ALDOA: variants seen among roughly 807,000 people sequenced by gnomAD.
ALDOA encodes fructose-bisphosphate aldolase A.
Under a neutral mutation model 43.9 loss-of-function variants are expected in ALDOA, and 26 were observed. That is an observed-to-expected ratio of 0.59 (90% CI 0.43 to 0.82). The LOEUF is 0.82. ALDOA is among the 40% of genes least tolerant of loss of function. The pLI, the probability that ALDOA is intolerant of heterozygous loss-of-function variation, is 0.00. For missense variants in ALDOA, 498 were observed against 549.5 expected, an observed-to-expected ratio of 0.91 and a Z score of 0.94; for synonymous variants, 258 against 222.6, an observed-to-expected ratio of 1.16 and a Z score of -1.42.
At position 30,070,278 on chromosome 16, in the gene ALDOA, G is replaced by A. The variant is rs1005568718; in HGVS notation, c.*66G>A. On this transcript the variant is annotated 3_prime_UTR_variant, in exon 10 of 10. Transcript: ENST00000642816. Reference sequence around the variant, plus strand: ...GCCCCCTCCCACTCTTGAAGAGGAGGCCGCCTCCTCGGGGCTCCAGGCTGG... The same window carrying A: ...GCCCCCTCCCACTCTTGAAGAGGAGACCGCCTCCTCGGGGCTCCAGGCTGG... 11 of 1,530,312 alleles carry A rather than the reference G, an allele frequency of 7.2e-6. No homozygotes were observed. The highest frequency in any genetic ancestry group is 1.4e-5 in the African/African-American group (1 of 73,294). The allele number at this position is 1,530,312 out of a possible 1,614,324, so 94.8% of individuals were successfully genotyped here. A position where few individuals can be genotyped will look rare whatever the true frequency, so the allele number is the denominator to read the frequency against.
At position 30,069,529 on chromosome 16, in the gene ALDOA, GACC is replaced by G; in HGVS notation, c.823_825del (p.His275del). 6.2e-7 allele frequency: 1 copy of G among 1,614,084 alleles called. No homozygotes were observed. The highest frequency in any genetic ancestry group is 8.5e-7 in the Non-Finnish European group (1 of 1,180,018). On this transcript the variant is annotated inframe_deletion, in exon 8 of 10. Transcript: ENST00000642816. ...GGCTGCTGTCTACAAGGCTCTGAGTGACCACCACATCTACCTGGAAGGCACCTT... is the reference window on the plus strand; with the variant it reads ...GGCTGCTGTCTACAAGGCTCTGAGTGACCACATCTACCTGGAAGGCACCTT...
chr16:30,069,021 G>A lies in ALDOA; in HGVS notation c.702+43G>A, dbSNP rs1246687412. ...CAATAGGCAACCTCCTACCTCATTTGGTTCCAGTGTTGTTAATTTGCCTAT... is the reference window on the plus strand; with the variant it reads ...CAATAGGCAACCTCCTACCTCATTTAGTTCCAGTGTTGTTAATTTGCCTAT... On this transcript the variant is annotated intron_variant, in intron 6 of 9. Transcript: ENST00000642816. 3.1e-6 allele frequency: 5 copies of A among 1,613,340 alleles called. No homozygotes were observed. The South Asian group carries it at 4.4e-5, about 14-fold the overall frequency.
chr16:30,067,845 A>G lies in ALDOA; in HGVS notation c.486+184A>G, dbSNP rs1003637770. Reference sequence around the variant, plus strand: ...ATTCTGAGAGAACAGTATCATTCCCACTTTACACATGAAAATCTCAGAAGC... The same window carrying G: ...ATTCTGAGAGAACAGTATCATTCCCGCTTTACACATGAAAATCTCAGAAGC... On this transcript the variant is annotated intron_variant, in intron 4 of 9. Coordinates refer to ENST00000642816, the MANE Select transcript of ALDOA (RefSeq NM_001243177.4). 10 of 704,292 alleles carry G rather than the reference A, an allele frequency of 1.4e-5. No individual in the cohort carries two copies. In the East Asian group the frequency reaches 2.5e-4, roughly 17 times the overall value. The allele number at this position is 704,292 out of a possible 1,614,324, so 43.6% of individuals were successfully genotyped here. A position where few individuals can be genotyped will look rare whatever the true frequency, so the allele number is the denominator to read the frequency against.
rs1220713095 is a variant in ALDOA, at chr16:30,069,608, C to G, written c.896C>G (p.Ser299Cys). 6.2e-7 allele frequency: 1 copy of G among 1,613,980 alleles called. No homozygotes were observed. Among genetic ancestry groups the G allele is most frequent in the Admixed American group, 1.7e-5 (1 of 60,004 alleles). The change falls in exon 8 of 10, where the codon TCT becomes TGT. Residue 299 changes from serine to cysteine, a missense_variant. Ser to Cys is a moderately radical substitution (Grantham distance 112). Transcript: ENST00000642816. The part of the protein sequence containing the change: ...TPGHACTQKF[S>C]HEEIAMATVT... ...GGCCATGCTTGCACTCAGAAGTTTT[C>G]TCATGAGGAGATTGCCATGGCGACC... is the stretch of plus-strand genomic sequence containing the variant.
In ALDOA at chr16:30,070,245, C is replaced by T; in HGVS notation, c.*33C>T. On this transcript the variant is annotated 3_prime_UTR_variant, in exon 10 of 10. Coordinates refer to ENST00000642816, the MANE Select transcript of ALDOA (RefSeq NM_001243177.4). ...TGTTCCCAGGCTGCCCCCAACACTC[C>T]AGGCCCTGCCCCCTCCCACTCTTGA... 1.2e-6 allele frequency: 2 copies of T among 1,605,926 alleles called. No individual in the cohort carries two copies. Among genetic ancestry groups the T allele is most frequent in the Non-Finnish European group, 1.7e-6 (2 of 1,172,722 alleles).
rs2072237834 is a variant in ALDOA, at chr16:30,069,485, C to A, written c.787-14C>A. 2 of 1,614,132 alleles carry A rather than the reference C, an allele frequency of 1.2e-6. No homozygotes were observed. Among genetic ancestry groups the A allele is most frequent in the African/African-American group, 2.7e-5 (2 of 75,052 alleles). ...CTCCACCCCACTACCCACCGTGCGC[C>A]TGCTCTGCTCCAGGTGCTGGCTGCT... On this transcript the variant is annotated splice_polypyrimidine_tract_variant and intron_variant, in intron 7 of 9. Transcript: ENST00000642816.
At chr16:30,065,140 G>A (rs1032669716), upstream of ALDOA, among the ~76,000 whole-genome samples, 1 of 152,230 alleles carries the variant, frequency 6.6e-6, no homozygotes, top group Non-Finnish European at 1.5e-5. Context: ...AACTCGGATG[G>A]GGAGGTCTCG....
intron 3 of ALDOA, 25 bp from the exon 4 acceptor site, chr16:30,067,425 C>G: frequency 6.2e-7 from 1 of 1,613,646 alleles, no homozygotes; most frequent in Non-Finnish European, 8.5e-7. Flanking sequence ...AGGCTGATCC[C>G]CTAATTCCCA....
intron 4 of ALDOA, chr16:30,068,317 G>T: frequency 2.7e-6 from 1 of 367,656 alleles, no homozygotes; most frequent in Non-Finnish European, 5.3e-6. Context: ...GCCCACCTCG[G>T]CCTCCCAAAG....
At chr16:30,064,515 C>CA, upstream of ALDOA, 1 of 398,700 alleles carries the variant, frequency 2.5e-6, no homozygotes, top group Non-Finnish European at 4.4e-6. Context: ...GGTGAGTGGG[C>CA]AGGGGCTCCC....
rs552929357 is a variant in ALDOA, at chr16:30,068,420, G to A, written c.487-226G>A. On this transcript the variant is annotated intron_variant, in intron 4 of 9. Coordinates refer to ENST00000642816, the MANE Select transcript of ALDOA (RefSeq NM_001243177.4). Reference sequence around the variant, plus strand: ...TGAAAATATTTGCCAGCCCTGAGATGCAGTTTAAGGGATTAAGTAAATGTG... The same window carrying A: ...TGAAAATATTTGCCAGCCCTGAGATACAGTTTAAGGGATTAAGTAAATGTG... 279 of 604,540 alleles carry A rather than the reference G, an allele frequency of 4.6e-4. 3 individuals are homozygous for A. The African/African-American group carries it at 4.6e-3, about 10-fold the overall frequency. The allele number at this position is 604,540 out of a possible 1,614,324, so 37.4% of individuals were successfully genotyped here.
intron 5 of ALDOA, 58 bp downstream of exon 5, chr16:30,068,758 G>C: frequency 6.2e-7 from 1 of 1,614,168 alleles, no homozygotes; most frequent in Non-Finnish European, 8.5e-7. Context: ...TTGGGTGCTG[G>C]GAGGAGTGGA....
Position 30,070,142 on chromosome 16 carries a change from A to C in ALDOA, c.1187A>C (p.Lys396Thr). 1 of 1,614,106 alleles carries C rather than the reference A, an allele frequency of 6.2e-7. No individual in the cohort carries two copies. Among genetic ancestry groups the C allele is most frequent in the Non-Finnish European group, 8.5e-7 (1 of 1,180,036 alleles). Reference protein sequence around the residue: ...ALANSLACQGKYTPSGQAGAA... With the variant: ...ALANSLACQGTYTPSGQAGAA... Reference sequence around the variant, plus strand: ...GCCAACAGCCTTGCCTGTCAAGGAAAGTACACTCCGAGCGGTCAGGCTGGG... The same window carrying C: ...GCCAACAGCCTTGCCTGTCAAGGAACGTACACTCCGAGCGGTCAGGCTGGG... Residue 396 changes from lysine (K) to threonine (T), a missense_variant, in exon 10 of 10, where the codon AAG (lysine) becomes ACG (threonine). Lys to Thr is a moderately conservative substitution (Grantham distance 78). Transcript: ENST00000642816.
Position 30,067,058 on chromosome 16 carries a change from A to G in ALDOA, c.141+20A>G. On this transcript the variant is annotated intron_variant, in intron 2 of 9. Transcript: ENST00000642816. ...GGAAAGGTACAGGGGCAGGCCTAGCAAAGGGAAGTTGGGCGTAAGAGAGAG... is the reference window on the plus strand; with the variant it reads ...GGAAAGGTACAGGGGCAGGCCTAGCGAAGGGAAGTTGGGCGTAAGAGAGAG... 6.3e-7 allele frequency: 1 copy of G among 1,575,818 alleles called. No homozygotes were observed.
chr16:30,070,295 C>T lies in ALDOA; in HGVS notation c.*83C>T. 6 of 1,404,004 alleles carry T rather than the reference C, an allele frequency of 4.3e-6. No individual in the cohort carries two copies. Among genetic ancestry groups the T allele is most frequent in the Non-Finnish European group, 6.0e-6 (6 of 992,188 alleles). The allele number at this position is 1,404,004 out of a possible 1,614,324, so 87.0% of individuals were successfully genotyped here. The stretch of plus-strand genomic sequence containing the variant: ...AAGAGGAGGCCGCCTCCTCGGGGCT[C>T]CAGGCTGGCTTGCCCGCGCTCTTTC... On this transcript the variant is annotated 3_prime_UTR_variant, in exon 10 of 10. Coordinates refer to ENST00000642816, the MANE Select transcript of ALDOA (RefSeq NM_001243177.4).
chr16:30,067,678 C>G lies in ALDOA; in HGVS notation c.486+17C>G, dbSNP rs78209292. 9.7e-4 allele frequency: 1,572 copies of G among 1,613,786 alleles called. 12 individuals carry two copies. The African/African-American group carries it at 0.019, about 19-fold the overall frequency. ...GGCATCAAGGTAAGGGGAGGGCCTC[C>G]GGACGTGAGGTTTGAGATGGAAGTG... is the stretch of plus-strand genomic sequence containing the variant. On this transcript the variant is annotated intron_variant, in intron 4 of 9. Coordinates refer to ENST00000642816, the MANE Select transcript of ALDOA (RefSeq NM_001243177.4).
At chr16:30,068,045 C>T in intron 4 of ALDOA, 1 of 238,668 alleles carries the variant, frequency 4.2e-6, no homozygotes, top group Non-Finnish European at 8.3e-6. Flanking sequence ...ATTTGAGTAA[C>T]TAAACATTTT....
chr16:30,069,775 G>A (rs770793827), intron 8 of ALDOA, 55 bp from the exon 9 acceptor site: 2 of 1,612,766 alleles, frequency 1.2e-6, no homozygotes, highest in East Asian at 2.2e-5. Context: ...ACCAGCTCCT[G>A]CCAGCTTCCT....
In ALDOA at chr16:30,066,997, C is replaced by T. The variant is rs1457308625; in HGVS notation, c.100C>T (p.Pro34Ser). The part of the protein sequence containing the change: ...FPPVASGQLH[P>S]QLGNTQHQTE... Reference sequence around the variant, plus strand: ...CCCAGTTGCCAGTGGGCAACTCCACCCTCAGCTGGGCAACACCCAGCACCA... The same window carrying T: ...CCCAGTTGCCAGTGGGCAACTCCACTCTCAGCTGGGCAACACCCAGCACCA... Residue 34 changes from proline (P) to serine (S), a missense_variant, in exon 2 of 10, where the codon CCT becomes TCT. Pro to Ser is a moderately conservative substitution (Grantham distance 74). Coordinates refer to ENST00000642816, the MANE Select transcript of ALDOA (RefSeq NM_001243177.4). 2.6e-6 allele frequency: 4 copies of T among 1,564,100 alleles called. No homozygotes were observed. The highest frequency in any genetic ancestry group is 1.4e-5 in the African/African-American group (1 of 73,688).
Sources: gnomAD v4.1 joint callset for allele counts (sites outside exome capture counted in the v4.1 genomes callset) on GRCh38, gnomAD v4.1.1 for gene constraint, MANE v1.5 for transcripts, NCBI Gene and HGNC (gene_info 2026-07-23, HGNC 2026-07-21) for gene names.